ASIC4: variants seen among roughly 807,000 people sequenced by gnomAD.
The protein encoded by ASIC4 is acid-sensing ion channel 4.
A neutral mutation model predicts 53.4 loss-of-function variants in ASIC4; 28 were observed. The ratio of observed to expected loss-of-function variants is 0.52; its 90% confidence interval spans 0.39 to 0.72. ASIC4 has a LOEUF of 0.72. ASIC4 is among the 30% of genes least tolerant of loss of function. The pLI is 0.00. For missense variants in ASIC4, 649 were observed against 729.7 expected (o/e 0.89, Z 1.27); for synonymous variants, 289 against 301.4 (o/e 0.96, Z 0.43).
chr2:219,521,426 C>G (rs1490969723), intron 1 of ASIC4, among the ~76,000 whole-genome samples: 1 of 152,230 alleles, frequency 6.6e-6, no homozygotes, highest in Non-Finnish European at 1.5e-5. Context: ...TCCTGGACCC[C>G]CACCCCTGCC....
In ASIC4 at chr2:219,514,674, A is replaced by C; in HGVS notation, c.-51A>C. The C allele has an allele frequency of 2.5e-6, 4 of 1,613,182 alleles. No individual in the cohort carries two copies. The highest frequency in any genetic ancestry group is 2.2e-5 in the South Asian group (2 of 91,052). ...CGGGAGGGCACCAGGGCTGCTGGCT[A>C]GGGAGGGACAGGGCAGGGAGGCTCT... On this transcript the variant is annotated 5_prime_UTR_variant, in exon 1 of 10. Transcript: ENST00000358078.
At chr2:219,527,798 A>C (rs1275852963) in intron 1 of ASIC4, among the ~76,000 whole-genome samples, 2 of 152,258 alleles carry the variant, frequency 1.3e-5, no homozygotes, top group Non-Finnish European at 2.9e-5. Context: ...GACTTGGTAC[A>C]AAGTCGGGAT....
upstream of ASIC4, among the ~76,000 whole-genome samples, chr2:219,509,199 A>G (rs1694666080): frequency 6.6e-6 from 1 of 152,088 alleles, no homozygotes; most frequent in Non-Finnish European, 1.5e-5. The surrounding 1 kb of genome is among the most constrained non-coding windows in gnomAD (Gnocchi z 5.2). Context: ...AGCAGCCATT[A>G]TCGGGGGAGC....
Position 219,537,884 on chromosome 2 carries a change from C to T in ASIC4, c.1507-49C>T, listed in dbSNP as rs78386972. Reference sequence around the variant, plus strand: ...AGGCTGGCGGTGTGAGCCCTGGGGGCACCACTTGAGCTCTCCCGGTCCCAC... The same window carrying T: ...AGGCTGGCGGTGTGAGCCCTGGGGGTACCACTTGAGCTCTCCCGGTCCCAC... On this transcript the variant is annotated intron_variant, in intron 9 of 9. Coordinates refer to ENST00000358078, the MANE Select transcript of ASIC4 (RefSeq NM_018674.6). The surrounding 1 kb of genome is among the most constrained non-coding windows in gnomAD (Gnocchi z 4.9). The T allele has an allele frequency of 1.6e-3, 2,442 of 1,514,688 alleles. 37 individuals are homozygous for T. In the African/African-American group the frequency reaches 0.028, roughly 17 times the overall value. 93.8% of individuals were successfully genotyped at this position (1,514,688 alleles called of 1,614,324 possible).
chr2:219,527,589 A>G (rs1694980368), intron 1 of ASIC4, among the ~76,000 whole-genome samples: 1 of 152,056 alleles, frequency 6.6e-6, no homozygotes, highest in Non-Finnish European at 1.5e-5. Flanking sequence ...GGTGTTCTAT[A>G]AGCACCTACT....
chr2:219,523,772 G>A (rs1328616759), intron 1 of ASIC4, among the ~76,000 whole-genome samples: 4 of 151,848 alleles, frequency 2.6e-5, no homozygotes, highest in Non-Finnish European at 2.9e-5. Flanking sequence ...GTGGATTTGT[G>A]AACATGCCTG....
Position 219,514,548 on chromosome 2 carries a change from G to A in ASIC4, c.-177G>A. 1 of 1,560,378 alleles carries A rather than the reference G, an allele frequency of 6.4e-7. No individual in the cohort carries two copies. The highest frequency in any genetic ancestry group is 8.7e-7 in the Non-Finnish European group (1 of 1,152,592). On this transcript the variant is annotated 5_prime_UTR_variant, in exon 1 of 10. Coordinates refer to ENST00000358078, the MANE Select transcript of ASIC4 (RefSeq NM_018674.6). ...GCAGCACCAGGGCTGCGGAGCTGCT[G>A]GGAGTGGGAGTGACTCCCCCACCTC...
chr2:219,513,504 C>T (rs781358852), upstream of ASIC4, among the ~76,000 whole-genome samples: 2 of 152,116 alleles, frequency 1.3e-5, no homozygotes, highest in East Asian at 3.9e-4. Flanking sequence ...GGAGAGCATT[C>T]GCTCCCATTG....
chr2:219,538,063 A>G lies in ASIC4; in HGVS notation c.*17A>G. ...GCTTGCTAGGACGGTGCTGTGACTG[A>G]AAGGACCCAGGAGTCTGGGACCCCT... On this transcript the variant is annotated 3_prime_UTR_variant, in exon 10 of 10. Transcript: ENST00000358078. The G allele has an allele frequency of 1.3e-6, 2 of 1,598,988 alleles. No homozygotes were observed. Among genetic ancestry groups the G allele is most frequent in the African/African-American group, 1.3e-5 (1 of 74,770 alleles).
At chr2:219,525,028 G>A (rs754965965) in intron 1 of ASIC4, among the ~76,000 whole-genome samples, 58 of 152,214 alleles carry the variant, frequency 3.8e-4, no homozygotes, top group African/African-American at 8.9e-4. Context: ...TGAGCAAACC[G>A]AGGCTCAGAG....
At chr2:219,509,528 C>A (rs1559450695), upstream of ASIC4, among the ~76,000 whole-genome samples, 1 of 152,140 alleles carries the variant, frequency 6.6e-6, no homozygotes, top group East Asian at 1.9e-4. This position sits in a 1 kb window ranked among gnomAD's most constrained non-coding sequence, Gnocchi z 5.2. Flanking sequence ...CTTCCCCAGC[C>A]CCTCCTGCTC....
chr2:219,533,361 C>T (rs898106905), intron 5 of ASIC4: 6 of 264,560 alleles, frequency 2.3e-5, no homozygotes, highest in Admixed American at 4.7e-5. Context: ...ATCCATTCAT[C>T]GATTCGCGCA....
At chr2:219,529,473 C>G (rs754576749) in intron 1 of ASIC4, among the ~76,000 whole-genome samples, 2 of 152,048 alleles carry the variant, frequency 1.3e-5, no homozygotes, top group Non-Finnish European at 2.9e-5. Flanking sequence ...CAGGAGGGAA[C>G]GAGGAATGGG....
chr2:219,531,086 T>G (rs565081344), intron 1 of ASIC4, among the ~76,000 whole-genome samples: 1 of 152,222 alleles, frequency 6.6e-6, no homozygotes, highest in South Asian at 2.1e-4. Context: ...TGGTGGCTCA[T>G]GCTTGTAATC....
At chr2:219,510,491 C>G (rs1002585380), upstream of ASIC4, among the ~76,000 whole-genome samples, 6 of 152,224 alleles carry the variant, frequency 3.9e-5, no homozygotes, top group Non-Finnish European at 5.9e-5. This position sits in a 1 kb window ranked among gnomAD's most constrained non-coding sequence, Gnocchi z 5.2. Flanking sequence ...ATGGCTGCGT[C>G]CATCCCAGCC....
chr2:219,532,571 C>T (rs1457767960), intron 4 of ASIC4, 94 bp downstream of exon 4: 1 of 1,477,410 alleles, frequency 6.8e-7, no homozygotes, highest in Admixed American at 2.0e-5. Flanking sequence ...CAGGCAGGTG[C>T]ATGTATACAA....
chr2:219,507,394 C>T, the ASIC4 span, among the ~76,000 whole-genome samples: 16 of 152,354 alleles, frequency 1.1e-4, no homozygotes, highest in East Asian at 7.7e-4. Context: ...CAGCCCTGGC[C>T]GGTTTTCCGC....
chr2:219,525,559 T>C (rs976333591), intron 1 of ASIC4, among the ~76,000 whole-genome samples: 1 of 152,214 alleles, frequency 6.6e-6, no homozygotes, highest in African/African-American at 2.4e-5. Flanking sequence ...GTTTCTGCCT[T>C]TGTACAATGA....
At position 219,514,585 on chromosome 2, in the gene ASIC4, C is replaced by G; in HGVS notation, c.-140C>G. 6.3e-7 allele frequency: 1 copy of G among 1,587,672 alleles called. No homozygotes were observed. Among genetic ancestry groups the G allele is most frequent in the Non-Finnish European group, 8.6e-7 (1 of 1,167,106 alleles). ...GACTCCCCCACCTCGGGCCCCCACC[C>G]TGTCCCTGTCCTCTTCCCGCTTGCC... On this transcript the variant is annotated 5_prime_UTR_variant, in exon 1 of 10. Transcript: ENST00000358078.
Sources: gnomAD v4.1 joint callset for allele counts (sites outside exome capture counted in the v4.1 genomes callset) on GRCh38, gnomAD v4.1.1 for gene constraint, Gnocchi (gnomAD v3.1) non-coding constraint, MANE v1.5 for transcripts, NCBI Gene and HGNC (gene_info 2026-07-23, HGNC 2026-07-21) for gene names.